DLX3: variants seen among roughly 807,000 people sequenced by gnomAD.
DLX3 encodes the protein homeobox protein DLX-3.
A neutral mutation model predicts 28.0 loss-of-function variants in DLX3; 9 were observed. The ratio of observed to expected loss-of-function variants is 0.32; its 90% confidence interval spans 0.19 to 0.56. The LOEUF is 0.56. Ranked by LOEUF, DLX3 falls within the 20% of genes least tolerant of loss-of-function variation. The pLI is 0.91. For synonymous variants in DLX3, 154 were observed against 167.9 expected (o/e 0.92, Z 0.64); for missense variants, 313 against 378.2 (o/e 0.83, Z 1.43).
Position 49,990,010 on chromosome 17 carries a change from T to G in DLX3, c.*1507A>C, listed in dbSNP as rs1356172905. 3 of 152,636 alleles carry G rather than the reference T, an allele frequency of 2.0e-5. No homozygotes were observed. Among genetic ancestry groups the G allele is most frequent in the Non-Finnish European group, 4.4e-5 (3 of 68,058 alleles). The allele number at this position is 152,636 out of a possible 1,614,324, so 9.5% of individuals were successfully genotyped here. ...CAGTTCAAAGAGCTCAGTGGTTATT[T>G]TCGTCTTTTTTATTAACATTATATA... On this transcript the variant is annotated 3_prime_UTR_variant, in exon 3 of 3. Coordinates refer to ENST00000434704, the MANE Select transcript of DLX3 (RefSeq NM_005220.3).
At position 49,991,560 on chromosome 17, in the gene DLX3, T is replaced by A. The variant is rs775288058; in HGVS notation, c.821A>T (p.His274Leu). 6.2e-7 allele frequency: 1 copy of A among 1,611,740 alleles called. No individual in the cohort carries two copies. The highest frequency in any genetic ancestry group is 1.1e-5 in the South Asian group (1 of 90,964). The part of the protein sequence containing the change: ...QQPPQPATLH[H>L]ASPGPPPNPG... Reference sequence around the variant, plus strand: ...GTTGGGCGGGGGCCCGGGAGAGGCATGGTGCAGGGTGGCTGGCTGAGGCGG... The same window carrying A: ...GTTGGGCGGGGGCCCGGGAGAGGCAAGGTGCAGGGTGGCTGGCTGAGGCGG... The change falls in exon 3 of 3, where the codon CAT (histidine) becomes CTT (leucine). Residue 274 changes from histidine (H) to leucine (L), a missense_variant. By Grantham distance (99) the His-to-Leu change is moderately conservative. Transcript: ENST00000434704.
rs9902618 is a variant in DLX3, at chr17:49,994,440, T to C, written c.325+234A>G. Among the ~76,000 whole-genome samples, 141,196 of 152,222 alleles carry C rather than the reference T, an allele frequency of 0.93. 66,094 individuals carry two copies. The highest frequency in any genetic ancestry group is 1 in the East Asian group (5,138 of 5,140). ...GCCTTCCCCTTCCTCTCTCAGCTCA[T>C]CCCGATCCTCATCCGGGACCGCGGC... On this transcript the variant is annotated intron_variant, in intron 1 of 2. Transcript: ENST00000434704.
rs116262761 is a variant in DLX3 at position 49,993,308 on chromosome 17, C to T, written c.516+92G>A. 1.8e-4 allele frequency: 251 copies of T among 1,358,110 alleles called. No homozygotes were observed. The African/African-American group carries it at 3.3e-3, about 18-fold the overall frequency. 84.1% of individuals were successfully genotyped at this position (1,358,110 alleles called of 1,614,324 possible). A position where few individuals can be genotyped will look rare whatever the true frequency, so the allele number is the denominator to read the frequency against. On this transcript the variant is annotated intron_variant, in intron 2 of 2. Transcript: ENST00000434704. ...CAAAGGCAAGAGTTCCAGGAGCCCG[C>T]AGGGCCCTTCAGTGGCCAGCCAGGC... is the stretch of plus-strand genomic sequence containing the variant.
At chr17:49,993,900 C>T (rs1906191349) in intron 1 of DLX3, among the ~76,000 whole-genome samples, 1 of 152,120 alleles carries the variant, frequency 6.6e-6, no homozygotes, top group Non-Finnish European at 1.5e-5. Context: ...CGCCTCCCAG[C>T]CTCGGGGCTC....
chr17:49,994,730 G>T lies in DLX3; in HGVS notation c.269C>A (p.Ala90Asp). The change falls in exon 1 of 3, where the codon GCC becomes GAC. Residue 90 changes from alanine (A) to aspartate (D), a missense_variant. By Grantham distance (126) the Ala-to-Asp change is moderately radical (BLOSUM62 -2). Coordinates refer to ENST00000434704, the MANE Select transcript of DLX3 (RefSeq NM_005220.3). The stretch of plus-strand genomic sequence containing the variant: ...ATACGCCCCGTATTGCCGGTAGGAG[G>T]CTCCGTAGGTATATTCCGACTTGGG... ...YSPKSEYTYG[A>D]SYRQYGAYRE... is the part of the protein sequence containing the mutation. 1 of 1,614,186 alleles carries T rather than the reference G, an allele frequency of 6.2e-7. No homozygotes were observed. Among genetic ancestry groups the T allele is most frequent in the Non-Finnish European group, 8.5e-7 (1 of 1,180,038 alleles).
chr17:49,993,033 AG>A, intron 2 of DLX3, among the ~76,000 whole-genome samples: 1 of 152,186 alleles, frequency 6.6e-6, no homozygotes, highest in East Asian at 1.9e-4. Context: ...CGGTGCATGC[AG>A]ACCCACACAG....
Position 49,995,146 on chromosome 17 carries a change from G to A in DLX3, c.-148C>T. On this transcript the variant is annotated 5_prime_UTR_variant, in exon 1 of 3. Coordinates refer to ENST00000434704, the MANE Select transcript of DLX3 (RefSeq NM_005220.3). The stretch of plus-strand genomic sequence containing the variant: ...CCGCGTCTGGGGGGAGGGGGAGGCC[G>A]AGAGGCGCTTACACCATTGCCTGCC... 1 of 992,074 alleles carries A rather than the reference G, an allele frequency of 1.0e-6. No homozygotes were observed. The highest frequency in any genetic ancestry group is 1.5e-6 in the Non-Finnish European group (1 of 656,690). 61.5% of individuals were successfully genotyped at this position (992,074 alleles called of 1,614,324 possible). A position where few individuals can be genotyped will look rare whatever the true frequency, so the allele number is the denominator to read the frequency against.
rs1906230023 is a variant in DLX3 at position 49,995,054 on chromosome 17, C to T, written c.-56G>A. ...GCCTCCGCAGAGGACAGGAACGGAC[C>T]GGAGTGCGAGAGAGGCGGAAGAGAC... On this transcript the variant is annotated 5_prime_UTR_variant, in exon 1 of 3. Transcript: ENST00000434704. The T allele has an allele frequency of 7.6e-6, 12 of 1,587,362 alleles. No homozygotes were observed. The highest frequency in any genetic ancestry group is 1.0e-5 in the Non-Finnish European group (12 of 1,171,102).
intron 2 of DLX3, 48 bp from the exon 3 acceptor site, chr17:49,991,912 A>C (rs764341051): frequency 1.9e-6 from 3 of 1,576,578 alleles, no homozygotes; most frequent in Non-Finnish European, 2.6e-6. Context: ...CAGAATGCTA[A>C]AACAACCCTG....
Position 49,993,596 on chromosome 17 carries a change from G to A in DLX3, c.326-6C>T. On this transcript the variant is annotated splice_region_variant and splice_polypyrimidine_tract_variant and intron_variant, in intron 1 of 2. Coordinates refer to ENST00000434704, the MANE Select transcript of DLX3 (RefSeq NM_005220.3). ...CGGCTCCTCCTTCACCGACACTGCGGGGAACGCACCGGGCGGAAGAGGGGG... is the reference window on the plus strand; with the variant it reads ...CGGCTCCTCCTTCACCGACACTGCGAGGAACGCACCGGGCGGAAGAGGGGG... 1 of 1,612,950 alleles carries A rather than the reference G, an allele frequency of 6.2e-7. No homozygotes were observed. Among genetic ancestry groups the A allele is most frequent in the South Asian group, 1.1e-5 (1 of 91,014 alleles).
Position 49,995,187 on chromosome 17 carries a change from C to A in DLX3, c.-189G>T, listed in dbSNP as rs34783534. On this transcript the variant is annotated 5_prime_UTR_variant, in exon 1 of 3. Transcript: ENST00000434704. Reference sequence around the variant, plus strand: ...ATTGCCTGCCGTCAGGCGGTCGCTGCGCGCCTCTCCTCGCGTCCCAAGCCA... The same window carrying A: ...ATTGCCTGCCGTCAGGCGGTCGCTGAGCGCCTCTCCTCGCGTCCCAAGCCA... 48,136 of 709,092 alleles carry A rather than the reference C, an allele frequency of 0.068. 3,000 individuals carry two copies. Among genetic ancestry groups the A allele is most frequent in the East Asian group, 0.2 (7,251 of 36,456 alleles). 43.9% of individuals were successfully genotyped at this position (709,092 alleles called of 1,614,324 possible). A position where few individuals can be genotyped will look rare whatever the true frequency, so the allele number is the denominator to read the frequency against.
In DLX3 at chr17:49,994,993, ACT is replaced by A; in HGVS notation, c.4_5del (p.Ser2TrpfsTer19). ...TGCTGAGCTTGCGATCGAAGGAGCC[ACT>A]CATCCTGGCGGGCGCTGCACCTCCC... M[S>X]GSFDRKLSSI... On this transcript the variant is annotated frameshift_variant, in exon 1 of 3. Coordinates refer to ENST00000434704, the MANE Select transcript of DLX3 (RefSeq NM_005220.3). LOFTEE classifies it high-confidence loss of function. 1 of 1,611,278 alleles carries A rather than the reference ACT, an allele frequency of 6.2e-7. No individual in the cohort carries two copies. The highest frequency in any genetic ancestry group is 2.2e-5 in the East Asian group (1 of 44,858).
intron 2 of DLX3, 26 bp downstream of exon 2, chr17:49,993,374 G>T: frequency 6.3e-7 from 1 of 1,575,324 alleles, no homozygotes. Context: ...GCGCGCCCCC[G>T]CGGCCCTGGA....
In DLX3 at chr17:49,994,659, C is replaced by CT; in HGVS notation, c.325+14_325+15insA. 6.2e-7 allele frequency: 1 copy of CT among 1,614,004 alleles called. No individual in the cohort carries two copies. The highest frequency in any genetic ancestry group is 2.2e-5 in the East Asian group (1 of 44,880). ...CCAGTGTCTCCCACTGTCCTCGCGACCCCGTGGCCCTCACCTGGGTCCTGG... is the reference window on the plus strand; with the variant it reads ...CCAGTGTCTCCCACTGTCCTCGCGACTCCCGTGGCCCTCACCTGGGTCCTGG... On this transcript the variant is annotated intron_variant, in intron 1 of 2. Coordinates refer to ENST00000434704, the MANE Select transcript of DLX3 (RefSeq NM_005220.3).
At position 49,993,496 on chromosome 17, in the gene DLX3, C is replaced by T. The variant is rs1906169182; in HGVS notation, c.420G>A (p.Gln140=). 6.2e-7 allele frequency: 1 copy of T among 1,613,414 alleles called. No individual in the cohort carries two copies. The highest frequency in any genetic ancestry group is 1.3e-5 in the African/African-American group (1 of 74,914). Residue 140 remains glutamine, a synonymous_variant, in exon 2 of 3, where the codon CAG becomes CAA. Coordinates refer to ENST00000434704, the MANE Select transcript of DLX3 (RefSeq NM_005220.3). The part of the protein sequence containing the change: ...RKPRTIYSSY[Q]LAALQRRFQK... Reference sequence around the variant, plus strand: ...GGAAGCGGCGCTGCAGGGCGGCCAGCTGGTAGCTGGAGTAGATCGTACGCG... The same window carrying T: ...GGAAGCGGCGCTGCAGGGCGGCCAGTTGGTAGCTGGAGTAGATCGTACGCG...
At chr17:49,992,564 C>T (rs1906128960) in intron 2 of DLX3, among the ~76,000 whole-genome samples, 2 of 152,076 alleles carry the variant, frequency 1.3e-5, no homozygotes, top group African/African-American at 4.8e-5. Flanking sequence ...GCCATGATTC[C>T]CCAAATTTCC....
At chr17:49,993,255 C>G in intron 2 of DLX3, 145 bp downstream of exon 2, 1 of 790,102 alleles carries the variant, frequency 1.3e-6, no homozygotes, top group Non-Finnish European at 2.0e-6. Context: ...ACCTTCCCAC[C>G]GAAGTTGAAC....
At chr17:49,993,357 G>A (rs1906160224) in intron 2 of DLX3, 43 bp downstream of exon 2, 1 of 1,546,282 alleles carries the variant, frequency 6.5e-7, no homozygotes, top group Non-Finnish European at 8.7e-7. Context: ...GGGAACTACG[G>A]GGTCCCGCGC....
intron 1 of DLX3, 88 bp downstream of exon 1, chr17:49,994,584 TTC>T: frequency 6.9e-7 from 1 of 1,442,622 alleles, no homozygotes; most frequent in African/African-American, 1.4e-5. Flanking sequence ...CTTAGAAGTT[TTC>T]CTAGATTTTG....
Sources: allele counts gnomAD v4.1 joint callset (sites outside exome capture counted in the v4.1 genomes callset), GRCh38; gene constraint gnomAD v4.1.1; transcripts MANE v1.5; gene names NCBI Gene and HGNC (gene_info 2026-07-23, HGNC 2026-07-21).